NAALADL2: variants seen among roughly 807,000 people sequenced by gnomAD.
NAALADL2 encodes the protein N-acetylated alpha-linked acidic dipeptidase like 2, also known as inactive N-acetylated-alpha-linked acidic dipeptidase-like protein 2.
Under a neutral mutation model 87.2 loss-of-function variants are expected in NAALADL2, and 76 were observed. That is an observed-to-expected ratio of 0.87 (90% CI 0.72 to 1.05). The LOEUF (loss-of-function observed/expected upper bound fraction) is 1.05. Among genes scored for constraint, NAALADL2 ranks in the 50% least tolerant of loss-of-function variants. The pLI, the probability that NAALADL2 is intolerant of heterozygous loss-of-function variation, is 0.00. For synonymous variants in NAALADL2, 354 were observed against 331.0 expected, an observed-to-expected ratio of 1.07 and a Z score of -0.75; for missense variants, 1,089 against 945.8, an observed-to-expected ratio of 1.15 and a Z score of -1.99.
At chr3:174,449,841 G>C (rs1039951033) in intron 1 of NAALADL2, among the ~76,000 whole-genome samples, 1 of 152,002 alleles carries the variant, frequency 6.6e-6, no homozygotes, top group Admixed American at 6.6e-5. Flanking sequence ...ATTAAGCAAA[G>C]AATTCCTGCC....
At chr3:174,914,787 G>T (rs1734161582) in intron 1 of NAALADL2, among the ~76,000 whole-genome samples, 1 of 152,150 alleles carries the variant, frequency 6.6e-6, no homozygotes, top group South Asian at 2.1e-4. Context: ...TCAGAAAGGA[G>T]TTTGGAGACA....
chr3:175,216,149 G>A (rs942428535), intron 2 of NAALADL2, among the ~76,000 whole-genome samples: 3 of 152,076 alleles, frequency 2.0e-5, no homozygotes, highest in African/African-American at 7.2e-5. Context: ...TGTGATTTTA[G>A]TATGACAAGA....
In NAALADL2 at chr3:175,808,123, T is replaced by C. The variant is rs1284496580; in HGVS notation, c.*4920T>C. 6.6e-6 allele frequency: 1 copy of C among 151,936 alleles called. No homozygotes were observed. The highest frequency in any genetic ancestry group is 2.4e-5 in the African/African-American group (1 of 41,416). The allele number at this position is 151,936 out of a possible 1,614,324, so 9.4% of individuals were successfully genotyped here. A position where few individuals can be genotyped will look rare whatever the true frequency, so the allele number is the denominator to read the frequency against. On this transcript the variant is annotated 3_prime_UTR_variant, in exon 14 of 14. Transcript: ENST00000454872. ...AGTTTCATAATATCGTTCCATTGCC[T>C]GACAAAGATATACACACTGAAGTGC...
At chr3:175,481,906 G>A (rs9653989) in intron 9 of NAALADL2, among the ~76,000 whole-genome samples, 91,413 of 151,560 alleles carry the variant, frequency 0.6, 29,606 homozygotes, top group East Asian at 0.89. Context: ...AAAGAAATCG[G>A]TATTTACTTC....
At chr3:175,125,643 A>T (rs1204050416) in intron 2 of NAALADL2, among the ~76,000 whole-genome samples, 1 of 152,070 alleles carries the variant, frequency 6.6e-6, no homozygotes. Context: ...ACAGTTTATT[A>T]AATGAGATGA....
intron 2 of NAALADL2, among the ~76,000 whole-genome samples, chr3:175,139,070 T>C (rs1441902535): frequency 6.6e-6 from 1 of 151,608 alleles, no homozygotes; most frequent in East Asian, 1.9e-4. Flanking sequence ...CAATGTTATA[T>C]TAAACACAAG....
At chr3:175,472,811 T>C (rs1725094270) in intron 9 of NAALADL2, among the ~76,000 whole-genome samples, 1 of 152,178 alleles carries the variant, frequency 6.6e-6, no homozygotes, top group African/African-American at 2.4e-5. Flanking sequence ...CTAAATTATA[T>C]CCATATCTGT....
chr3:175,120,279 T>C (rs755383274), intron 2 of NAALADL2, among the ~76,000 whole-genome samples: 6 of 151,756 alleles, frequency 4.0e-5, no homozygotes, highest in Non-Finnish European at 7.4e-5. Context: ...TGGAGTATAA[T>C]GTAATTAAAA....
intron 2 of NAALADL2, among the ~76,000 whole-genome samples, chr3:174,674,228 C>T (rs1475027495): frequency 6.6e-6 from 1 of 151,908 alleles, no homozygotes; most frequent in East Asian, 1.9e-4. Flanking sequence ...CGAACTCACT[C>T]ATCACCAAGG....
intron 5 of NAALADL2, among the ~76,000 whole-genome samples, chr3:175,368,447 G>C (rs1765962848): frequency 1.3e-5 from 2 of 152,064 alleles, no homozygotes; most frequent in South Asian, 2.1e-4. Context: ...GTTCCTCCTT[G>C]TACCTCTGGT....
intron 9 of NAALADL2, among the ~76,000 whole-genome samples, chr3:175,482,541 T>G (rs904188251): frequency 7.2e-5 from 11 of 151,986 alleles, no homozygotes; most frequent in Admixed American, 4.6e-4. Context: ...AGTTATCATT[T>G]GTATATGTTC....
At chr3:175,429,825 A>G (rs1336213949) in intron 5 of NAALADL2, among the ~76,000 whole-genome samples, 1 of 152,024 alleles carries the variant, frequency 6.6e-6, no homozygotes, top group Non-Finnish European at 1.5e-5. Flanking sequence ...AGCCTTCCTT[A>G]CAGAGTGAAA....
intron 1 of NAALADL2, among the ~76,000 whole-genome samples, chr3:174,469,178 A>G (rs1716737605): frequency 6.6e-6 from 1 of 152,176 alleles, no homozygotes; most frequent in South Asian, 2.1e-4. Flanking sequence ...TTTCCTTTAT[A>G]ATACTGCTTG....
chr3:175,590,095 C>A (rs1721177603), intron 10 of NAALADL2, among the ~76,000 whole-genome samples: 1 of 151,886 alleles, frequency 6.6e-6, no homozygotes, highest in Non-Finnish European at 1.5e-5. Context: ...GACTGTAATC[C>A]CAGCTACTCA....
intron 1 of NAALADL2, among the ~76,000 whole-genome samples, chr3:174,532,296 T>A (rs1210312734): frequency 2.0e-5 from 3 of 152,088 alleles, no homozygotes; most frequent in African/African-American, 7.2e-5. Flanking sequence ...TCCATTACTA[T>A]AACATAAAAG....
chr3:175,702,589 CAGTT>C (rs1333111921), intron 11 of NAALADL2, among the ~76,000 whole-genome samples: 2 of 152,152 alleles, frequency 1.3e-5, no homozygotes, highest in African/African-American at 4.8e-5. Context: ...CTTTGCTTCT[CAGTT>C]ATAGTCCATT....
intron 1 of NAALADL2, among the ~76,000 whole-genome samples, chr3:174,961,784 G>A (rs1029086412): frequency 2.0e-5 from 3 of 152,008 alleles, no homozygotes; most frequent in Non-Finnish European, 4.4e-5. Flanking sequence ...ATGATAATGA[G>A]AAAGATACAT....
intron 13 of NAALADL2, among the ~76,000 whole-genome samples, chr3:175,788,032 G>T (rs950052228): frequency 6.7e-6 from 1 of 149,808 alleles, no homozygotes; most frequent in Non-Finnish European, 1.5e-5. Context: ...GAAACTTCCA[G>T]TCCTTCAAGC....
At chr3:174,929,414 A>G (rs756124838) in intron 1 of NAALADL2, among the ~76,000 whole-genome samples, 2 of 152,082 alleles carry the variant, frequency 1.3e-5, no homozygotes, top group Non-Finnish European at 2.9e-5. Context: ...TCCTTATTCT[A>G]CCTTCCTTAT....
Sources: allele counts gnomAD v4.1 joint callset (sites outside exome capture counted in the v4.1 genomes callset), GRCh38; gene constraint gnomAD v4.1.1; transcripts MANE v1.5; gene names NCBI Gene and HGNC (gene_info 2026-07-23, HGNC 2026-07-21).